OPHN1: variants seen among roughly 807,000 people sequenced by gnomAD.
OPHN1 encodes the protein oligophrenin-1.
OPHN1 carries 11 observed loss-of-function variants against 60.7 expected under a neutral mutation model. The ratio of observed to expected loss-of-function variants is 0.18; its 90% CI spans 0.11 to 0.30. OPHN1 has a LOEUF of 0.30. Ranked by LOEUF, OPHN1 falls within the 10% of genes least tolerant of loss-of-function variation. The pLI, the probability that OPHN1 is intolerant of heterozygous loss-of-function variation, is 1.00. For missense variants in OPHN1, 449 were observed against 611.0 expected (o/e 0.73, Z 2.80); for synonymous variants, 226 against 222.6 (o/e 1.02, Z -0.14).
intron 15 of OPHN1, among the ~76,000 whole-genome samples, chrX:68,150,795 A>G (rs1490677809): frequency 8.9e-6 from 1 of 111,886 alleles, no homozygotes; most frequent in Non-Finnish European, 1.9e-5. Flanking sequence ...ACTCAGAAAA[A>G]TTTGTACGGA....
At chrX:68,159,413 C>T (rs1038192170) in intron 15 of OPHN1, among the ~76,000 whole-genome samples, 2 of 111,680 alleles carry the variant, frequency 1.8e-5, no homozygotes, top group Admixed American at 1.9e-4. Context: ...GATTATGTCC[C>T]AGGAAACTGT....
chrX:68,359,397 G>A (rs1270076650), intron 2 of OPHN1, among the ~76,000 whole-genome samples: 1 of 111,230 alleles, frequency 9.0e-6, no homozygotes, highest in African/African-American at 3.3e-5. Flanking sequence ...GTTTTTGTGA[G>A]GCAGCACAAA....
intron 15 of OPHN1, among the ~76,000 whole-genome samples, chrX:68,120,092 A>G (rs189521957): frequency 9.0e-6 from 1 of 111,545 alleles, no homozygotes; most frequent in African/African-American, 3.3e-5. Flanking sequence ...AATTCCTGAG[A>G]AGAACTTAAG....
chrX:68,230,321 G>A (rs1780419797), intron 6 of OPHN1, among the ~76,000 whole-genome samples: 1 of 111,745 alleles, frequency 8.9e-6, no homozygotes, highest in Non-Finnish European at 1.9e-5. Flanking sequence ...TGGTGGGAGT[G>A]TAAACTAGTT....
At chrX:68,423,615 C>T (rs2078841084) in intron 2 of OPHN1, among the ~76,000 whole-genome samples, 1 of 110,756 alleles carries the variant, frequency 9.0e-6, no homozygotes, top group Non-Finnish European at 1.9e-5. Context: ...CAATCACTAA[C>T]CTGATACTCT....
intron 19 of OPHN1, among the ~76,000 whole-genome samples, chrX:68,076,091 T>C (rs1238461595): frequency 9.0e-6 from 1 of 110,698 alleles, no homozygotes; most frequent in Non-Finnish European, 1.9e-5. Context: ...ATATATATTA[T>C]ATAAAGAACT....
At chrX:68,217,269 G>A (rs1165759744) in intron 6 of OPHN1, among the ~76,000 whole-genome samples, 1 of 112,302 alleles carries the variant, frequency 8.9e-6, no homozygotes, top group Non-Finnish European at 1.9e-5. Flanking sequence ...ACCTGGCTCG[G>A]AGGATCCTAC....
chrX:68,089,059 G>A (rs977916809), intron 19 of OPHN1, among the ~76,000 whole-genome samples: 1 of 111,150 alleles, frequency 9.0e-6, no homozygotes, highest in African/African-American at 3.3e-5. Context: ...AAGTCCACCC[G>A]ATCTCTCATT....
chrX:68,331,730 C>CAA (rs1158512927), intron 2 of OPHN1, among the ~76,000 whole-genome samples: 11 of 39,315 alleles, frequency 2.8e-4, no homozygotes, highest in Non-Finnish European at 4.5e-4. Context: ...GACTCTGTAT[C>CAA]AAAAAAAAAA....
rs150547476 is a variant in OPHN1 at position 68,319,781 on chromosome X, C to G, written c.155-20685G>C. On this transcript the variant is annotated intron_variant, in intron 2 of 24. Coordinates refer to ENST00000355520, the MANE Select transcript of OPHN1 (RefSeq NM_002547.3). Reference sequence around the variant, plus strand: ...AATAAATCTACAACCTAAACTCCAACAAAATTTTACAATTTTGCTCTACAA... The same window carrying G: ...AATAAATCTACAACCTAAACTCCAAGAAAATTTTACAATTTTGCTCTACAA... 5.1e-3 allele frequency among the ~76,000 whole-genome samples: 559 copies of G among 110,053 alleles called. 1 individual carries two copies. Among genetic ancestry groups the G allele is most frequent in the Non-Finnish European group, 8.4e-3 (444 of 52,884 alleles).
chrX:68,370,373 G>T (rs2147729325), intron 2 of OPHN1, among the ~76,000 whole-genome samples: 1 of 109,917 alleles, frequency 9.1e-6, no homozygotes, highest in Non-Finnish European at 1.9e-5. Context: ...TGGGTGTGGT[G>T]GTACACACCT....
intron 2 of OPHN1, among the ~76,000 whole-genome samples, chrX:68,376,992 C>T (rs1324049679): frequency 1.9e-5 from 2 of 105,670 alleles, no homozygotes; most frequent in Admixed American, 1.0e-4. Context: ...TGCAGTGGCA[C>T]GATCTCGGCT....
At chrX:68,377,243 C>G (rs2078563676) in intron 2 of OPHN1, among the ~76,000 whole-genome samples, 1 of 107,562 alleles carries the variant, frequency 9.3e-6, no homozygotes, top group Non-Finnish European at 1.9e-5. Flanking sequence ...ACTACAGGCG[C>G]CCGCTACCAC....
At chrX:68,103,284 T>C (rs2077067419) in intron 18 of OPHN1, among the ~76,000 whole-genome samples, 1 of 112,239 alleles carries the variant, frequency 8.9e-6, no homozygotes, top group Admixed American at 9.5e-5. Flanking sequence ...AACCACATAA[T>C]TATCTCAATA....
At chrX:68,051,339 T>C (rs1263471091) in intron 23 of OPHN1, among the ~76,000 whole-genome samples, 1 of 111,343 alleles carries the variant, frequency 9.0e-6, no homozygotes, top group Admixed American at 9.5e-5. Context: ...TTCCAGGCCT[T>C]GGACAGTCTG....
intron 2 of OPHN1, among the ~76,000 whole-genome samples, chrX:68,382,483 C>T (rs762818560): frequency 6.2e-4 from 69 of 111,841 alleles, no homozygotes; most frequent in African/African-American, 1.9e-3. Flanking sequence ...GTTTCCTCAT[C>T]GTAAAAATGG....
At chrX:68,221,016 T>C (rs751114593) in intron 6 of OPHN1, among the ~76,000 whole-genome samples, 131 of 103,991 alleles carry the variant, frequency 1.3e-3, no homozygotes, top group African/African-American at 4.1e-3. Context: ...ACGACATGAT[T>C]GTATATCTAG....
chrX:68,056,450 T>C lies in OPHN1; in HGVS notation c.2159-2640A>G, dbSNP rs1336410774. On this transcript the variant is annotated intron_variant, in intron 21 of 24. Coordinates refer to ENST00000355520, the MANE Select transcript of OPHN1 (RefSeq NM_002547.3). Reference sequence around the variant, plus strand: ...ATGTAAAGAAATAATGATAATACAGTGTGATTGGTGTTCTAATTAAGGAAG... The same window carrying C: ...ATGTAAAGAAATAATGATAATACAGCGTGATTGGTGTTCTAATTAAGGAAG... Among the ~76,000 whole-genome samples, 4 of 111,897 alleles carry C rather than the reference T, an allele frequency of 3.6e-5. No individual in the cohort carries two copies. In the East Asian group the frequency reaches 1.1e-3, roughly 32 times the overall value.
intron 15 of OPHN1, among the ~76,000 whole-genome samples, chrX:68,188,467 G>A (rs1027834294): frequency 2.7e-5 from 3 of 111,896 alleles, no homozygotes; most frequent in Admixed American, 9.5e-5. Context: ...GTATAGTAAT[G>A]ATTAATGAAC....
Sources: gnomAD v4.1 joint callset for allele counts (sites outside exome capture counted in the v4.1 genomes callset) on GRCh38, gnomAD v4.1.1 for gene constraint, MANE v1.5 for transcripts, NCBI Gene and HGNC (gene_info 2026-07-23, HGNC 2026-07-21) for gene names.